STARD9: variants seen among roughly 807,000 people sequenced by gnomAD.
STARD9 encodes the protein stAR-related lipid transfer protein 9.
Under a neutral mutation model 399.8 loss-of-function variants are expected in STARD9, and 346 were observed. The observed-to-expected ratio is 0.87, with a 90% CI of 0.79 to 0.95. The LOEUF is 0.95. Ranked by LOEUF, STARD9 falls within the 40% of genes least tolerant of loss-of-function variation. STARD9 has a pLI of 0.00. For missense variants in STARD9, 5,832 were observed against 5,667.5 expected (o/e 1.03, Z -0.93); for synonymous variants, 2,203 against 2,143.5 (o/e 1.03, Z -0.77).
chr15:42,666,704 A>C (rs561023664), intron 15 of STARD9, among the ~76,000 whole-genome samples: 1 of 152,172 alleles, frequency 6.6e-6, no homozygotes, highest in African/African-American at 2.4e-5. Flanking sequence ...AGGTGGGAAG[A>C]CTGGAAGCAG....
At chr15:42,613,957 T>G (rs976529237) in intron 3 of STARD9, among the ~76,000 whole-genome samples, 1 of 151,274 alleles carries the variant, frequency 6.6e-6, no homozygotes, top group African/African-American at 2.4e-5. Context: ...AGAGCAAGAC[T>G]GCATCTCGGA....
intron 7 of STARD9, among the ~76,000 whole-genome samples, chr15:42,650,294 A>G (rs957145496): frequency 2.0e-5 from 3 of 152,188 alleles, no homozygotes; most frequent in Non-Finnish European, 2.9e-5. Flanking sequence ...GTATTTAGCA[A>G]TAAGCCCATG....
chr15:42,665,399 TAG>T, intron 14 of STARD9, 69 bp downstream of exon 14: 1 of 1,300,366 alleles, frequency 7.7e-7, no homozygotes, highest in South Asian at 1.3e-5. Flanking sequence ...TTCTTCTCCA[TAG>T]AGTCTGGGCC....
chr15:42,583,243 G>A, intron 1 of STARD9, 103 bp from the exon 2 acceptor site: 1 of 789,308 alleles, frequency 1.3e-6, no homozygotes, highest in Non-Finnish European at 2.0e-6. Flanking sequence ...TCTCTTAAGG[G>A]TACAGCAGTA....
chr15:42,669,468 T>C, intron 16 of STARD9, 131 bp downstream of exon 16: 1 of 816,906 alleles, frequency 1.2e-6, no homozygotes, highest in Non-Finnish European at 1.8e-6. Flanking sequence ...GCCTTCAGGT[T>C]TGCTCTCAGG....
chr15:42,618,918 A>AT (rs1782491093), intron 3 of STARD9, among the ~76,000 whole-genome samples: 1 of 151,566 alleles, frequency 6.6e-6, no homozygotes, highest in Admixed American at 6.6e-5. Flanking sequence ...GTCCCCAGAT[A>AT]TTTTTTTTAA....
At chr15:42,635,752 C>T (rs1466605184) in intron 4 of STARD9, among the ~76,000 whole-genome samples, 2 of 152,198 alleles carry the variant, frequency 1.3e-5, no homozygotes, top group East Asian at 3.9e-4. Context: ...ATCTGTTTTG[C>T]ACCTTTGTTG....
intron 7 of STARD9, among the ~76,000 whole-genome samples, chr15:42,647,706 G>A (rs12594855): frequency 0.38 from 58,130 of 151,918 alleles, 17,355 homozygotes; most frequent in African/African-American, 0.83. Context: ...TTTTAATTTG[G>A]TATTGTGGTC....
At chr15:42,586,016 T>C (rs1057286249) in intron 3 of STARD9, among the ~76,000 whole-genome samples, 13 of 152,236 alleles carry the variant, frequency 8.5e-5, no homozygotes, top group African/African-American at 3.1e-4. Flanking sequence ...TGTTTTGGTC[T>C]GAGAAATGGT....
rs1034316751 is a variant in STARD9 at position 42,651,819 on chromosome 15, T to C, written c.630-701T>C. Among the ~76,000 whole-genome samples the C allele has an allele frequency of 3.3e-5, 5 of 152,318 alleles. No individual in the cohort carries two copies. The East Asian group carries it at 9.6e-4, about 29-fold the overall frequency. On this transcript the variant is annotated intron_variant, in intron 8 of 32. Transcript: ENST00000290607. Reference sequence around the variant, plus strand: ...CCCTGAGCTCCATGATTTTTCAGTGTCAGGCTTGAATCATGAGACTAGCCT... The same window carrying C: ...CCCTGAGCTCCATGATTTTTCAGTGCCAGGCTTGAATCATGAGACTAGCCT...
intron 3 of STARD9, among the ~76,000 whole-genome samples, chr15:42,621,088 C>T (rs1057232027): frequency 1.3e-5 from 2 of 152,152 alleles, no homozygotes; most frequent in African/African-American, 4.8e-5. Context: ...AGTGTCTCCT[C>T]ATGATTACAT....
In STARD9 at chr15:42,719,997, T is replaced by C. The variant is rs3199486; in HGVS notation, c.*423T>C. ...CAGGCAGCCACTGGCCAAGACTCTG[T>C]TCTGAATCTACCTCCTCTAGCATTC... is the stretch of plus-strand genomic sequence containing the variant. On this transcript the variant is annotated 3_prime_UTR_variant, in exon 33 of 33. Transcript: ENST00000290607. 64,613 of 165,114 alleles carry C rather than the reference T, an allele frequency of 0.39. 18,741 individuals are homozygous for C. The highest frequency in any genetic ancestry group is 0.84 in the African/African-American group (35,167 of 41,888). The allele number at this position is 165,114 out of a possible 1,614,324, so 10.2% of individuals were successfully genotyped here.
Position 42,585,534 on chromosome 15 carries a change from C to A in STARD9, c.131C>A (p.Pro44Gln), listed in dbSNP as rs1203602577. ...KIRNLKVDNRPDGFGDSREKV... is the reference protein window; with the variant it reads ...KIRNLKVDNRQDGFGDSREKV... ...GTTTGATTTTAGGTGGACAATCGAC[C>A]AGATGGCTTTGGGGACTCCCGGGAG... The change falls in exon 3 of 33, where the codon CCA (proline) becomes CAA (glutamine). Residue 44 changes from proline to glutamine, a missense_variant. Transcript: ENST00000290607. 1 of 1,536,736 alleles carries A rather than the reference C, an allele frequency of 6.5e-7. No homozygotes were observed.
chr15:42,687,123 T>G lies in STARD9; in HGVS notation c.5545T>G (p.Ser1849Ala). ...ITEESHDSVY[S>A]SVTQNRHFLP... is the part of the protein sequence containing the mutation. ...AGAAGAAAGCCATGATTCAGTTTAT[T>G]CTTCTGTTACTCAGAACAGACATTT... The change falls in exon 23 of 33, where the codon TCT becomes GCT. Residue 1849 changes from serine (S) to alanine (A), a missense_variant. By Grantham distance (99) the Ser-to-Ala change is moderately conservative (BLOSUM62 1). This residue lies in a region of STARD9 where 5,828 missense variants were observed against 5,651.1 expected (regional missense o/e 1.03). Coordinates refer to ENST00000290607, the MANE Select transcript of STARD9 (RefSeq NM_020759.3). 1 of 1,537,196 alleles carries G rather than the reference T, an allele frequency of 6.5e-7. No homozygotes were observed. The highest frequency in any genetic ancestry group is 1.4e-5 in the African/African-American group (1 of 73,164).
chr15:42,576,099 CCTCT>C (rs1282301338), intron 1 of STARD9, among the ~76,000 whole-genome samples: 2 of 152,154 alleles, frequency 1.3e-5, no homozygotes, highest in African/African-American at 4.8e-5. Flanking sequence ...TGAGCATTCT[CCTCT>C]CTCTTTCTGG....
Position 42,694,169 on chromosome 15 carries a change from C to T in STARD9, c.12591C>T (p.Ile4197=), listed in dbSNP as rs568079907. The change falls in exon 23 of 33, where the codon ATC becomes ATT. Residue 4197 remains isoleucine (I), a synonymous_variant. Coordinates refer to ENST00000290607, the MANE Select transcript of STARD9 (RefSeq NM_020759.3). ...QDSEWSKREQ[I]PLQVGAQNLS... ...CTGAGTGGTCCAAGAGGGAGCAGAT[C>T]CCCCTGCAAGTTGGGGCCCAGAACC... 698 of 1,534,714 alleles carry T rather than the reference C, an allele frequency of 4.5e-4. 8 individuals carry two copies. The South Asian group carries it at 7.4e-3, about 16-fold the overall frequency.
chr15:42,650,930 T>C, intron 7 of STARD9, 86 bp from the exon 8 acceptor site: 1 of 889,370 alleles, frequency 1.1e-6, no homozygotes, highest in South Asian at 1.9e-5. Context: ...CAATATGAAA[T>C]AGGAATGATA....
rs1301951159 is a variant in STARD9, at chr15:42,689,391, G to C, written c.7813G>C (p.Asp2605His). The C allele has an allele frequency of 6.5e-7, 1 of 1,537,364 alleles. No homozygotes were observed. Among genetic ancestry groups the C allele is most frequent in the Admixed American group, 2.0e-5 (1 of 51,002 alleles). ...QCKQIDQSSSDQTRNEGEAPG... is the reference protein window; with the variant it reads ...QCKQIDQSSSHQTRNEGEAPG... ...TAAACAAATAGACCAGTCATCATCA[G>C]ACCAGACCAGGAATGAGGGTGAAGC... The change falls in exon 23 of 33, where the codon GAC becomes CAC. Residue 2605 changes from aspartate (D) to histidine (H), a missense_variant. Physicochemically the swap from Asp to His is moderately conservative, Grantham distance 81. Transcript: ENST00000290607.
At chr15:42,618,519 G>A (rs1259844938) in intron 3 of STARD9, among the ~76,000 whole-genome samples, 1 of 151,976 alleles carries the variant, frequency 6.6e-6, no homozygotes, top group Non-Finnish European at 1.5e-5. Flanking sequence ...AATATATGGT[G>A]CTAGAGTATA....
Sources: allele counts gnomAD v4.1 joint callset (sites outside exome capture counted in the v4.1 genomes callset), GRCh38; gene constraint gnomAD v4.1.1; regional missense constraint gnomAD v4.1.1; transcripts MANE v1.5; gene names NCBI Gene and HGNC (gene_info 2026-07-23, HGNC 2026-07-21).